The following DRAXIN variants were observed in gnomAD, a reference collection of about 807,000 sequenced individuals.
DRAXIN encodes dorsal inhibitory axon guidance protein.
DRAXIN carries 27 observed loss-of-function variants against 33.9 expected under a neutral mutation model. That is an observed-to-expected ratio of 0.80 (90% CI 0.59 to 1.10). DRAXIN has a LOEUF of 1.10. Among genes scored for constraint, DRAXIN ranks in the 50% least tolerant of loss-of-function variants. The pLI, the probability that DRAXIN is intolerant of heterozygous loss-of-function variation, is 0.00. For synonymous variants in DRAXIN, 178 were observed against 194.0 expected (o/e 0.92, Z 0.69); for missense variants, 371 against 460.8 (o/e 0.81, Z 1.78).
upstream of DRAXIN, among the ~76,000 whole-genome samples, chr1:11,687,668 G>A (rs1233410808): frequency 6.6e-6 from 1 of 152,214 alleles, no homozygotes; most frequent in East Asian, 1.9e-4. The surrounding 1 kb of genome is among the most constrained non-coding windows in gnomAD (Gnocchi z 4.1). Flanking sequence ...GAGCCACTGC[G>A]CCTGACCTGG....
chr1:11,714,470 TGGAG>T (rs1199361547), intron 5 of DRAXIN, among the ~76,000 whole-genome samples: 1 of 152,244 alleles, frequency 6.6e-6, no homozygotes, highest in East Asian at 1.9e-4. Context: ...CTGTACCAGC[TGGAG>T]GCCGCCAGCA....
intron 6 of DRAXIN, among the ~76,000 whole-genome samples, chr1:11,716,784 G>A (rs147672822): frequency 1.2e-4 from 18 of 152,228 alleles, no homozygotes; most frequent in African/African-American, 3.1e-4. Flanking sequence ...GGATCCTCCC[G>A]CCTCGGCAAT....
chr1:11,707,655 G>A (rs1641409881), intron 2 of DRAXIN, among the ~76,000 whole-genome samples: 2 of 152,346 alleles, frequency 1.3e-5, no homozygotes, highest in South Asian at 4.1e-4. Context: ...GACTCCAGGA[G>A]AGGCATCGCT....
intron 1 of DRAXIN, among the ~76,000 whole-genome samples, chr1:11,702,699 T>A (rs557998022): frequency 1.4e-3 from 215 of 151,208 alleles, no homozygotes; most frequent in South Asian, 0.012. Flanking sequence ...ACACACACAC[T>A]CACACATCCT....
intron 1 of DRAXIN, among the ~76,000 whole-genome samples, chr1:11,695,265 C>T (rs192160262): frequency 1.7e-4 from 26 of 152,250 alleles, no homozygotes; most frequent in Admixed American, 1.6e-3. Context: ...GCCATTGTTG[C>T]TATTACCATC....
In DRAXIN at chr1:11,719,778, G is replaced by A; in HGVS notation, c.*82G>A. ...TTTGTAACTAGCAGTGGGAGATCAA[G>A]TTGGGGAACAGATGGCTGAGGCTGC... On this transcript the variant is annotated 3_prime_UTR_variant, in exon 7 of 7. Coordinates refer to ENST00000294485, the MANE Select transcript of DRAXIN (RefSeq NM_198545.4). 1 of 1,247,844 alleles carries A rather than the reference G, an allele frequency of 8.0e-7. No individual in the cohort carries two copies. The allele number at this position is 1,247,844 out of a possible 1,614,324, so 77.3% of individuals were successfully genotyped here. A position where few individuals can be genotyped will look rare whatever the true frequency, so the allele number is the denominator to read the frequency against.
intron 4 of DRAXIN, 27 bp from the exon 5 acceptor site, chr1:11,712,313 T>A: frequency 4.3e-6 from 7 of 1,613,790 alleles, no homozygotes; most frequent in Non-Finnish European, 5.9e-6. Context: ...GGCCCCAGCT[T>A]CTGACGACAG....
intron 4 of DRAXIN, 38 bp downstream of exon 4, chr1:11,712,003 G>A (rs11121810): frequency 2.4e-5 from 38 of 1,577,166 alleles, no homozygotes; most frequent in Non-Finnish European, 3.2e-5. Flanking sequence ...ATGCCTGGGT[G>A]CCCTGCCCTC....
upstream of DRAXIN, chr1:11,691,536 C>T (rs1363158374): frequency 6.6e-6 from 1 of 151,734 alleles, no homozygotes; most frequent in African/African-American, 2.4e-5. Context: ...GGGGAGCTGG[C>T]CCAGAACTCA....
At chr1:11,700,268 G>T (rs1310635397) in intron 1 of DRAXIN, among the ~76,000 whole-genome samples, 1 of 152,062 alleles carries the variant, frequency 6.6e-6, no homozygotes, top group Non-Finnish European at 1.5e-5. Flanking sequence ...AAACCAATGA[G>T]AAAAAAAGAA....
intron 6 of DRAXIN, among the ~76,000 whole-genome samples, chr1:11,715,860 G>T (rs951164475): frequency 1.3e-5 from 2 of 152,204 alleles, no homozygotes; most frequent in Non-Finnish European, 2.9e-5. Flanking sequence ...AGGAAAGTGG[G>T]GGGAATAGTT....
At chr1:11,718,000 C>CAAAAAAAAAAAAAAA (rs57704802) in intron 6 of DRAXIN, among the ~76,000 whole-genome samples, 5 of 80,880 alleles carry the variant, frequency 6.2e-5, no homozygotes, top group East Asian at 4.1e-4. Flanking sequence ...GACCCTGTCT[C>CAAAAAAAAAAAAAAA]AAAAAAAAAA....
At chr1:11,699,549 A>G (rs180921955) in intron 1 of DRAXIN, among the ~76,000 whole-genome samples, 87 of 152,276 alleles carry the variant, frequency 5.7e-4, no homozygotes, top group African/African-American at 2.0e-3. Context: ...ACTGAATTCA[A>G]ACTCCTGGGC....
chr1:11,723,350 G>C lies in DRAXIN; in HGVS notation c.*3654G>C, dbSNP rs1423578021. On this transcript the variant is annotated 3_prime_UTR_variant, in exon 7 of 7. Transcript: ENST00000294485. ...ACCCACAAAGCTTCTGTTTTGTTTG[G>C]TCTGGGCTTCATAGTTTTTCTCCCA... 6.6e-6 allele frequency: 1 copy of C among 152,132 alleles called. No homozygotes were observed. The highest frequency in any genetic ancestry group is 1.5e-5 in the Non-Finnish European group (1 of 68,038). The allele number at this position is 152,132 out of a possible 1,614,324, so 9.4% of individuals were successfully genotyped here. A position where few individuals can be genotyped will look rare whatever the true frequency, so the allele number is the denominator to read the frequency against.
intron 1 of DRAXIN, among the ~76,000 whole-genome samples, chr1:11,702,137 G>A (rs1342908726): frequency 7.2e-6 from 1 of 138,114 alleles, no homozygotes; most frequent in Non-Finnish European, 1.6e-5. Context: ...ACACTCATAC[G>A]TACACGCCCA....
At chr1:11,690,474 T>C (rs1225247972), upstream of DRAXIN, among the ~76,000 whole-genome samples, 26 of 152,170 alleles carry the variant, frequency 1.7e-4, no homozygotes, top group Admixed American at 1.7e-3. This position sits in a 1 kb window ranked among gnomAD's most constrained non-coding sequence, Gnocchi z 4.2. Flanking sequence ...CACTGAAATT[T>C]AGGTATAATC....
rs1397463540 is a variant in DRAXIN at position 11,721,198 on chromosome 1, C to A, written c.*1502C>A. 6.6e-6 allele frequency: 1 copy of A among 152,178 alleles called. No homozygotes were observed. Among genetic ancestry groups the A allele is most frequent in the Non-Finnish European group, 1.5e-5 (1 of 68,036 alleles). 9.4% of individuals were successfully genotyped at this position (152,178 alleles called of 1,614,324 possible). On this transcript the variant is annotated 3_prime_UTR_variant, in exon 7 of 7. Coordinates refer to ENST00000294485, the MANE Select transcript of DRAXIN (RefSeq NM_198545.4). ...GCATACTGTTTAGTGATTTCCAGGACCACAAAACCATCCCTGGAACCCCAC... is the reference window on the plus strand; with the variant it reads ...GCATACTGTTTAGTGATTTCCAGGAACACAAAACCATCCCTGGAACCCCAC...
At chr1:11,701,307 G>A (rs1193411400) in intron 1 of DRAXIN, among the ~76,000 whole-genome samples, 1 of 152,186 alleles carries the variant, frequency 6.6e-6, no homozygotes, top group Non-Finnish European at 1.5e-5. Flanking sequence ...CTTGAGATGG[G>A]CTTTGCCACT....
At position 11,724,499 on chromosome 1, in the gene DRAXIN, C is replaced by T. The variant is rs1641697432; in HGVS notation, c.*4803C>T. The T allele has an allele frequency of 6.6e-6, 1 of 152,306 alleles. No homozygotes were observed. Among genetic ancestry groups the T allele is most frequent in the Non-Finnish European group, 1.5e-5 (1 of 68,094 alleles). The allele number at this position is 152,306 out of a possible 1,614,324, so 9.4% of individuals were successfully genotyped here. The stretch of plus-strand genomic sequence containing the variant: ...AGGGCCAAGGCTTGTGGGAAAATGA[C>T]AGCTTCACAGCCCCTTGAGGAGTGA... On this transcript the variant is annotated 3_prime_UTR_variant, in exon 7 of 7. Transcript: ENST00000294485.
Sources: gnomAD v4.1 joint callset for allele counts (sites outside exome capture counted in the v4.1 genomes callset) on GRCh38, gnomAD v4.1.1 for gene constraint, Gnocchi (gnomAD v3.1) non-coding constraint, MANE v1.5 for transcripts, NCBI Gene and HGNC (gene_info 2026-07-23, HGNC 2026-07-21) for gene names.